The following CNTLN variants were observed in gnomAD, a reference collection of about 807,000 sequenced individuals.
The protein encoded by CNTLN is centlein.
A neutral mutation model predicts 180.0 loss-of-function variants in CNTLN; 212 were observed. That is an observed-to-expected ratio of 1.18 (90% confidence interval 1.05 to 1.32). The LOEUF is 1.32. Ranked by LOEUF, CNTLN falls within the 40% of genes most tolerant of loss-of-function variation. The pLI is 0.00. For synonymous variants in CNTLN, 722 were observed against 563.1 expected (o/e 1.28, Z -3.99); for missense variants, 2,095 against 1,610.9 (o/e 1.30, Z -5.14).
rs146167182 is a variant in CNTLN at position 17,235,712 on chromosome 9, G to A, written c.589G>A (p.Val197Ile). ...INDLVKRKIA[V>I]DEENAFLRKE... Reference sequence around the variant, plus strand: ...TGACCTTGTAAAACGGAAAATTGCAGTAGATGAAGAAAATGCTTTCTTAAG... The same window carrying A: ...TGACCTTGTAAAACGGAAAATTGCAATAGATGAAGAAAATGCTTTCTTAAG... Residue 197 changes from valine to isoleucine, a missense_variant, in exon 4 of 26, where the codon GTA (valine) becomes ATA (isoleucine). Val to Ile is a conservative substitution (Grantham distance 29). Transcript: ENST00000380647. The A allele has an allele frequency of 2.6e-4, 425 of 1,607,868 alleles. No homozygotes were observed. The highest frequency in any genetic ancestry group is 6.3e-4 in the South Asian group (57 of 89,994).
At chr9:17,511,644 TCTCTCA>T in the CNTLN span, among the ~76,000 whole-genome samples, 3 of 83,646 alleles carry the variant, frequency 3.6e-5, no homozygotes, top group African/African-American at 1.2e-4. Flanking sequence ...TCTCTCTCTC[TCTCTCA>T]CACACACACA....
chr9:17,201,838 A>G (rs1435366166), intron 2 of CNTLN, among the ~76,000 whole-genome samples: 7 of 151,606 alleles, frequency 4.6e-5, no homozygotes, highest in African/African-American at 1.2e-4. Context: ...GTCTCCTTCA[A>G]TTCTGCTCTG....
At chr9:17,238,147 C>A (rs1225150739) in intron 5 of CNTLN, among the ~76,000 whole-genome samples, 2 of 151,972 alleles carry the variant, frequency 1.3e-5, no homozygotes, top group African/African-American at 4.8e-5. Context: ...TTTGGGCATT[C>A]ATTACTTATT....
At chr9:17,447,445 G>C (rs911025276) in intron 18 of CNTLN, 32 of 163,446 alleles carry the variant, frequency 2.0e-4, no homozygotes, top group African/African-American at 7.7e-4. Context: ...CGGTCCGCTG[G>C]CCCAGCGTGC....
intron 23 of CNTLN, 58 bp from the exon 24 acceptor site, chr9:17,484,237 C>G: frequency 3.8e-6 from 5 of 1,314,228 alleles, no homozygotes; most frequent in Admixed American, 2.3e-5. Context: ...TATGTTATTA[C>G]TGCTTTGTCT....
At chr9:17,490,856 G>C (rs1177981513) in intron 25 of CNTLN, among the ~76,000 whole-genome samples, 1 of 152,058 alleles carries the variant, frequency 6.6e-6, no homozygotes, top group Non-Finnish European at 1.5e-5. Context: ...CCCACCAATA[G>C]CAGAGATTTC....
intron 1 of CNTLN, among the ~76,000 whole-genome samples, chr9:17,142,497 T>C (rs1357746529): frequency 1.3e-5 from 2 of 152,168 alleles, no homozygotes; most frequent in East Asian, 3.8e-4. Context: ...TATTAGATTT[T>C]CAAGTGGAAT....
intron 10 of CNTLN, among the ~76,000 whole-genome samples, chr9:17,339,918 C>CT (rs1320847342): frequency 6.6e-6 from 1 of 152,080 alleles, no homozygotes; most frequent in Non-Finnish European, 1.5e-5. Flanking sequence ...TTTTGGGAGG[C>CT]TGAGGCAGGA....
At chr9:17,524,072 T>G in the CNTLN span, among the ~76,000 whole-genome samples, 1 of 152,272 alleles carries the variant, frequency 6.6e-6, no homozygotes, top group Non-Finnish European at 1.5e-5. Flanking sequence ...ATTGACAACC[T>G]GTATGTCAGC....
At chr9:17,164,334 G>T (rs1290223267) in intron 2 of CNTLN, among the ~76,000 whole-genome samples, 5 of 110,752 alleles carry the variant, frequency 4.5e-5, no homozygotes, top group Admixed American at 9.3e-5. Flanking sequence ...AAAAAAAGTT[G>T]ATCTATTGAA....
intron 10 of CNTLN, among the ~76,000 whole-genome samples, chr9:17,335,533 T>G (rs1350139199): frequency 6.6e-6 from 1 of 152,162 alleles, no homozygotes; most frequent in Non-Finnish European, 1.5e-5. Context: ...ATTTATGTTT[T>G]TAATCAATTC....
At chr9:17,237,527 AC>A (rs1350977758) in intron 5 of CNTLN, among the ~76,000 whole-genome samples, 1 of 152,104 alleles carries the variant, frequency 6.6e-6, no homozygotes, top group African/African-American at 2.4e-5. Flanking sequence ...ATTAAAAAAA[AC>A]AAGTAAAAGA....
intron 13 of CNTLN, among the ~76,000 whole-genome samples, chr9:17,377,657 C>T (rs984317649): frequency 2.6e-5 from 4 of 152,152 alleles, no homozygotes; most frequent in Non-Finnish European, 4.4e-5. Context: ...TATGATTCAA[C>T]AGGGATTAAA....
At chr9:17,209,584 A>G (rs1203379766) in intron 2 of CNTLN, among the ~76,000 whole-genome samples, 1 of 152,138 alleles carries the variant, frequency 6.6e-6, no homozygotes, top group Non-Finnish European at 1.5e-5. Context: ...TTTTCTCTAT[A>G]TGTTTGGGTT....
At chr9:17,220,175 A>G (rs1009297623) in intron 2 of CNTLN, among the ~76,000 whole-genome samples, 1 of 152,066 alleles carries the variant, frequency 6.6e-6, no homozygotes, top group Non-Finnish European at 1.5e-5. Context: ...TGCTCTGGCA[A>G]CCTAACCACT....
At chr9:17,369,151 TAGTG>T (rs780850488) in intron 13 of CNTLN, among the ~76,000 whole-genome samples, 5 of 152,108 alleles carry the variant, frequency 3.3e-5, no homozygotes, top group African/African-American at 9.7e-5. Flanking sequence ...GCTCTCATGA[TAGTG>T]AGTGAGTTCT....
chr9:17,140,891 T>C (rs1818043196), intron 1 of CNTLN, among the ~76,000 whole-genome samples: 1 of 152,228 alleles, frequency 6.6e-6, no homozygotes. Context: ...AATATATTTC[T>C]AATCTTGGAA....
At chr9:17,267,607 TCTC>T (rs1410759635) in intron 5 of CNTLN, among the ~76,000 whole-genome samples, 1 of 152,026 alleles carries the variant, frequency 6.6e-6, no homozygotes, top group Non-Finnish European at 1.5e-5. Flanking sequence ...TTGGGGAAGT[TCTC>T]CTGGATAATA....
chr9:17,474,655 A>G (rs1318422122), intron 23 of CNTLN, among the ~76,000 whole-genome samples: 5 of 151,952 alleles, frequency 3.3e-5, no homozygotes, highest in African/African-American at 7.2e-5. Context: ...GATCACTTGA[A>G]GCCAGGAGTT....
Sources: gnomAD v4.1 joint callset for allele counts (sites outside exome capture counted in the v4.1 genomes callset) on GRCh38, gnomAD v4.1.1 for gene constraint, MANE v1.5 for transcripts, NCBI Gene and HGNC (gene_info 2026-07-23, HGNC 2026-07-21) for gene names.